FAM174A: variants seen among roughly 807,000 people sequenced by gnomAD.
FAM174A encodes the protein family with sequence similarity 174 member A.
Under a neutral mutation model 14.3 loss-of-function variants are expected in FAM174A, and 14 were observed. That is an observed-to-expected ratio of 0.98 (90% confidence interval 0.65 to 1.53). FAM174A has a LOEUF of 1.53. Ranked by LOEUF, FAM174A falls within the 40% of genes most tolerant of loss-of-function variation. The pLI, the probability that FAM174A is intolerant of heterozygous loss-of-function variation, is 0.00. For missense variants in FAM174A, 241 were observed against 249.6 expected (o/e 0.97, Z 0.23); for synonymous variants, 108 against 111.4 (o/e 0.97, Z 0.19).
intron 1 of FAM174A, among the ~76,000 whole-genome samples, chr5:100,556,860 T>G (rs1038831845): frequency 3.3e-5 from 5 of 152,210 alleles, no homozygotes; most frequent in Non-Finnish European, 7.3e-5. Flanking sequence ...GATGGGGTTT[T>G]CTAGATATAC....
At chr5:100,546,493 A>T (rs1746167092) in intron 1 of FAM174A, among the ~76,000 whole-genome samples, 1 of 152,132 alleles carries the variant, frequency 6.6e-6, no homozygotes, top group Non-Finnish European at 1.5e-5. Context: ...GCTCCTGAAG[A>T]ACTCAGATTT....
chr5:100,579,131 A>G (rs563749982), intron 2 of FAM174A, among the ~76,000 whole-genome samples: 3 of 152,342 alleles, frequency 2.0e-5, no homozygotes, highest in South Asian at 4.1e-4. Flanking sequence ...ATATAATGTG[A>G]TTGAGCAAGA....
At chr5:100,581,560 C>A (rs574785794) in intron 2 of FAM174A, 9,060 of 160,668 alleles carry the variant, frequency 0.056, 910 homozygotes, top group African/African-American at 0.2. Flanking sequence ...CAAGACCTCG[C>A]TTAAGGCTGG....
intron 2 of FAM174A, among the ~76,000 whole-genome samples, chr5:100,568,198 A>T (rs74463241): frequency 6.6e-6 from 1 of 151,758 alleles, no homozygotes; most frequent in Non-Finnish European, 1.5e-5. Context: ...TACTTATTTT[A>T]GTGCACATGT....
intron 1 of FAM174A, among the ~76,000 whole-genome samples, chr5:100,540,212 A>G (rs1269853758): frequency 2.0e-5 from 3 of 152,202 alleles, no homozygotes; most frequent in Admixed American, 6.5e-5. Context: ...CCCTATTTAC[A>G]AAATTATAAA....
chr5:100,583,979 C>A (rs760430451), intron 2 of FAM174A, among the ~76,000 whole-genome samples: 9 of 152,178 alleles, frequency 5.9e-5, no homozygotes, highest in Admixed American at 1.3e-4. Flanking sequence ...TAGACCACTT[C>A]AATGCCTTCA....
intron 2 of FAM174A, 125 bp downstream of exon 2, chr5:100,562,313 C>T: frequency 2.3e-6 from 2 of 870,744 alleles, no homozygotes; most frequent in Non-Finnish European, 1.7e-6. Context: ...GTTCTGTTTA[C>T]TGAAGTTCTT....
chr5:100,545,122 C>A (rs534723047), intron 1 of FAM174A, among the ~76,000 whole-genome samples: 9 of 152,292 alleles, frequency 5.9e-5, no homozygotes, highest in South Asian at 4.1e-4. Flanking sequence ...TGTAGTATTT[C>A]TCTTCTATAT....
intron 2 of FAM174A, among the ~76,000 whole-genome samples, chr5:100,584,774 T>C (rs1370692842): frequency 1.3e-5 from 2 of 152,202 alleles, no homozygotes; most frequent in African/African-American, 2.4e-5. Context: ...CATTTTTTTT[T>C]CCTTTGTTAC....
chr5:100,571,425 A>G (rs1408054509), intron 2 of FAM174A, among the ~76,000 whole-genome samples: 1 of 151,412 alleles, frequency 6.6e-6, no homozygotes, highest in Non-Finnish European at 1.5e-5. Context: ...TGTAATTGTA[A>G]ATTGCTTTAT....
intron 1 of FAM174A, among the ~76,000 whole-genome samples, chr5:100,547,453 C>G (rs981150794): frequency 6.6e-6 from 1 of 152,016 alleles, no homozygotes; most frequent in Non-Finnish European, 1.5e-5. Flanking sequence ...TCATGTTTTT[C>G]AATTTGGGCT....
chr5:100,544,374 T>C (rs979971602), intron 1 of FAM174A, among the ~76,000 whole-genome samples: 8 of 150,024 alleles, frequency 5.3e-5, no homozygotes, highest in Admixed American at 3.3e-4. Context: ...ACCCCTGCAT[T>C]TGTACTCCTG....
chr5:100,545,713 C>T (rs1182546683), intron 1 of FAM174A, among the ~76,000 whole-genome samples: 1 of 152,134 alleles, frequency 6.6e-6, no homozygotes, highest in Non-Finnish European at 1.5e-5. Flanking sequence ...ATTTTCCATG[C>T]ATGCCTTTAT....
intron 2 of FAM174A, among the ~76,000 whole-genome samples, chr5:100,579,577 G>T (rs762340586): frequency 6.6e-6 from 1 of 151,950 alleles, no homozygotes; most frequent in Non-Finnish European, 1.5e-5. Context: ...GATGCCCGCC[G>T]CCACACCCAG....
intron 2 of FAM174A, among the ~76,000 whole-genome samples, chr5:100,563,778 T>C (rs567656243): frequency 6.6e-6 from 1 of 152,018 alleles, no homozygotes; most frequent in East Asian, 1.9e-4. Flanking sequence ...AGATTGAAAT[T>C]ATTCCAAGTG....
At chr5:100,549,822 G>T (rs1034932662) in intron 1 of FAM174A, among the ~76,000 whole-genome samples, 1 of 151,938 alleles carries the variant, frequency 6.6e-6, no homozygotes, top group Non-Finnish European at 1.5e-5. Flanking sequence ...AATAATCTGC[G>T]AACTTCAACA....
chr5:100,581,466 A>T, intron 2 of FAM174A: 1 of 826,422 alleles, frequency 1.2e-6, no homozygotes, highest in Non-Finnish European at 1.5e-6. Context: ...ATAAGAGCCT[A>T]TGAAGGCCCA....
At position 100,535,411 on chromosome 5, in the gene FAM174A, CG is replaced by C. The variant is rs1227476315; in HGVS notation, c.-117del. 1.9e-6 allele frequency: 2 copies of C among 1,080,986 alleles called. No homozygotes were observed. The highest frequency in any genetic ancestry group is 3.1e-5 in the African/African-American group (2 of 63,492). The allele number at this position is 1,080,986 out of a possible 1,614,324, so 67.0% of individuals were successfully genotyped here. A position where few individuals can be genotyped will look rare whatever the true frequency, so the allele number is the denominator to read the frequency against. On this transcript the variant is annotated 5_prime_UTR_variant, in exon 1 of 3. Transcript: ENST00000312637. The stretch of plus-strand genomic sequence containing the variant: ...TGTAGCTTCTGCCACCTGCCACGAC[CG>C]GGCCTCTCCCTGGCGTTTGGTCACC...
At chr5:100,570,932 T>C (rs1255662287) in intron 2 of FAM174A, among the ~76,000 whole-genome samples, 2 of 151,926 alleles carry the variant, frequency 1.3e-5, no homozygotes, top group African/African-American at 4.8e-5. Flanking sequence ...TTTTTCTGCA[T>C]GTACTGAAAG....
Sources: allele counts gnomAD v4.1 joint callset (sites outside exome capture counted in the v4.1 genomes callset), GRCh38; gene constraint gnomAD v4.1.1; transcripts MANE v1.5; gene names NCBI Gene and HGNC (gene_info 2026-07-23, HGNC 2026-07-21).